Variants in RGS7 observed in about 807,000 individuals in gnomAD.
RGS7 encodes regulator of G-protein signaling 7.
In RGS7, 27 loss-of-function variants were observed where a neutral mutation model predicts 81.1. The ratio of observed to expected loss-of-function variants is 0.33; its 90% confidence interval spans 0.25 to 0.46. RGS7 has a LOEUF of 0.46. Among genes scored for constraint, RGS7 ranks in the 20% least tolerant of loss-of-function variants. RGS7 has a pLI of 1.00. For synonymous variants in RGS7, 208 were observed against 207.7 expected (o/e 1.00, Z -0.01); for missense variants, 396 against 607.4 (o/e 0.65, Z 3.66).
chr1:240,998,190 C>G (rs570884228), intron 3 of RGS7, among the ~76,000 whole-genome samples: 61 of 152,226 alleles, frequency 4.0e-4, no homozygotes, highest in Non-Finnish European at 7.2e-4. Flanking sequence ...AATCATTTTT[C>G]TCTTCTAGTT....
intron 2 of RGS7, among the ~76,000 whole-genome samples, chr1:241,282,677 T>C (rs545876532): frequency 2.6e-5 from 4 of 152,248 alleles, no homozygotes; most frequent in Non-Finnish European, 4.4e-5. Context: ...CTTTCACCAT[T>C]AATAATAATG....
intron 9 of RGS7, among the ~76,000 whole-genome samples, chr1:240,852,171 C>T (rs1434403813): frequency 6.6e-6 from 1 of 152,128 alleles, no homozygotes; most frequent in Non-Finnish European, 1.5e-5. Flanking sequence ...TAAGAAGTTG[C>T]TACAGCTTCT....
intron 2 of RGS7, among the ~76,000 whole-genome samples, chr1:241,200,135 T>A (rs2073389714): frequency 6.6e-6 from 1 of 152,206 alleles, no homozygotes; most frequent in African/African-American, 2.4e-5. Flanking sequence ...TAATCTCATG[T>A]GAAAATAAAT....
At chr1:240,870,140 T>A (rs1664220887) in intron 6 of RGS7, 21 bp from the exon 7 acceptor site, 1 of 1,610,280 alleles carries the variant, frequency 6.2e-7, no homozygotes, top group African/African-American at 1.3e-5. Flanking sequence ...AATCAATCAT[T>A]TCTTGCCTGC....
At chr1:241,153,983 T>C (rs1011329131) in intron 2 of RGS7, among the ~76,000 whole-genome samples, 33 of 152,150 alleles carry the variant, frequency 2.2e-4, no homozygotes, top group African/African-American at 8.0e-4. Context: ...ACATACATGA[T>C]AAAAATGTGT....
intron 3 of RGS7, among the ~76,000 whole-genome samples, chr1:241,048,352 AAAAT>A (rs1221103095): frequency 5.9e-5 from 9 of 152,310 alleles, no homozygotes; most frequent in Non-Finnish European, 1.2e-4. Flanking sequence ...AGAGTTGGAA[AAAAT>A]AAATACTCTT....
intron 2 of RGS7, among the ~76,000 whole-genome samples, chr1:241,301,947 CTA>C (rs1558291914): frequency 6.6e-6 from 1 of 152,184 alleles, no homozygotes; most frequent in African/African-American, 2.4e-5. Flanking sequence ...AAGAAAAATA[CTA>C]TGACATTCAT....
At chr1:241,181,499 G>C (rs562794756) in intron 2 of RGS7, among the ~76,000 whole-genome samples, 1 of 152,164 alleles carries the variant, frequency 6.6e-6, no homozygotes, top group Admixed American at 6.5e-5. Flanking sequence ...TTCAATAAAT[G>C]CCAGCTATTA....
chr1:240,936,352 T>C (rs78500893), intron 5 of RGS7, among the ~76,000 whole-genome samples: 1 of 152,358 alleles, frequency 6.6e-6, no homozygotes, highest in East Asian at 1.9e-4. Flanking sequence ...CTTAAGCTTT[T>C]CATATAAAAT....
intron 2 of RGS7, among the ~76,000 whole-genome samples, chr1:241,229,327 A>T (rs1157627514): frequency 6.6e-6 from 1 of 152,218 alleles, no homozygotes; most frequent in African/African-American, 2.4e-5. Context: ...TCGAGGAAGC[A>T]GACGATGGGA....
At chr1:241,097,879 C>G (rs986127198) in intron 3 of RGS7, among the ~76,000 whole-genome samples, 1 of 152,094 alleles carries the variant, frequency 6.6e-6, no homozygotes, top group Non-Finnish European at 1.5e-5. Flanking sequence ...AAATAAAACA[C>G]CAACAACAAA....
intron 2 of RGS7, among the ~76,000 whole-genome samples, chr1:241,222,619 A>C (rs1486488608): frequency 6.6e-6 from 1 of 152,164 alleles, no homozygotes; most frequent in Non-Finnish European, 1.5e-5. Flanking sequence ...GCATTATCTT[A>C]CTACCTTGCT....
intron 6 of RGS7, among the ~76,000 whole-genome samples, chr1:240,874,612 A>G (rs1431046380): frequency 6.6e-6 from 1 of 152,222 alleles, no homozygotes; most frequent in Non-Finnish European, 1.5e-5. Context: ...TAGTTGATAA[A>G]TGAGAAATTG....
chr1:241,271,664 C>T lies in RGS7; in HGVS notation c.78+84035G>A, dbSNP rs930180555. Among the ~76,000 whole-genome samples, 2 of 152,124 alleles carry T rather than the reference C, an allele frequency of 1.3e-5. No homozygotes were observed. Among genetic ancestry groups the T allele is most frequent in the African/African-American group, 4.8e-5 (2 of 41,428 alleles). On this transcript the variant is annotated intron_variant, in intron 2 of 18. Coordinates refer to ENST00000440928, the MANE Select transcript of RGS7 (RefSeq NM_001364886.1). This position sits in a 1 kb window ranked among gnomAD's most constrained non-coding sequence, Gnocchi z 4.6. The stretch of plus-strand genomic sequence containing the variant: ...TGTGGCTTATCCAACCTGTTGAGGG[C>T]CTGAACAGAACAGAAAGGTGGAAGA...
At chr1:241,060,170 T>C (rs1325039506) in intron 3 of RGS7, among the ~76,000 whole-genome samples, 2 of 152,124 alleles carry the variant, frequency 1.3e-5, no homozygotes, top group African/African-American at 2.4e-5. Flanking sequence ...ATATTGTAGT[T>C]ACTTATAGGA....
Position 241,103,181 on chromosome 1 carries a change from A to G in RGS7, c.79-4419T>C, listed in dbSNP as rs538253837. ...TATGTGTGTGTATATATATGTGTGT[A>G]TATATATATACTTACACACACGCAT... On this transcript the variant is annotated intron_variant, in intron 2 of 18. Coordinates refer to ENST00000440928, the MANE Select transcript of RGS7 (RefSeq NM_001364886.1). Among the ~76,000 whole-genome samples, 8 of 152,108 alleles carry G rather than the reference A, an allele frequency of 5.3e-5. No individual in the cohort carries two copies. The South Asian group carries it at 6.2e-4, about 12-fold the overall frequency.
intron 3 of RGS7, among the ~76,000 whole-genome samples, chr1:241,040,727 T>C (rs1041072213): frequency 1.3e-5 from 2 of 152,124 alleles, no homozygotes; most frequent in African/African-American, 4.8e-5. Flanking sequence ...CAACCTCAGG[T>C]GATCCGCCCA....
At chr1:241,104,580 A>G (rs2064983938) in intron 2 of RGS7, among the ~76,000 whole-genome samples, 1 of 152,260 alleles carries the variant, frequency 6.6e-6, no homozygotes, top group Admixed American at 6.5e-5. Flanking sequence ...TCTTGAAGTT[A>G]TTTAGATTAA....
At chr1:241,204,091 G>C (rs113508064) in intron 2 of RGS7, among the ~76,000 whole-genome samples, 1 of 152,324 alleles carries the variant, frequency 6.6e-6, no homozygotes, top group East Asian at 1.9e-4. Flanking sequence ...TGTTAGGTGA[G>C]AGTTTAAAGG....
Sources: gnomAD v4.1 joint callset for allele counts (sites outside exome capture counted in the v4.1 genomes callset) on GRCh38, gnomAD v4.1.1 for gene constraint, Gnocchi (gnomAD v3.1) non-coding constraint, MANE v1.5 for transcripts, NCBI Gene and HGNC (gene_info 2026-07-23, HGNC 2026-07-21) for gene names.